The following CAMK4 variants were observed in gnomAD, a reference collection of about 807,000 sequenced individuals.
CAMK4 encodes the protein calcium/calmodulin dependent protein kinase IV, also known as calcium/calmodulin-dependent protein kinase type IV.
CAMK4 carries 22 observed loss-of-function variants against 44.9 expected under a neutral mutation model. The ratio of observed to expected loss-of-function variants is 0.49; its 90% CI spans 0.35 to 0.70. CAMK4 has a LOEUF of 0.70. Ranked by LOEUF, CAMK4 falls within the 30% of genes least tolerant of loss-of-function variation. CAMK4 has a pLI of 0.01. For synonymous variants in CAMK4, 218 were observed against 215.4 expected (o/e 1.01, Z -0.11); for missense variants, 498 against 586.8 (o/e 0.85, Z 1.56).
chr5:111,312,378 T>C lies in CAMK4; in HGVS notation c.162-31646T>C, dbSNP rs1263382633. The stretch of plus-strand genomic sequence containing the variant: ...GCAAGTGCTTCACTCTTTTCATCTG[T>C]AAAATAGACATTAAAATAGCTAGCT... On this transcript the variant is annotated intron_variant, in intron 1 of 10. Coordinates refer to ENST00000282356, the MANE Select transcript of CAMK4 (RefSeq NM_001744.6). 4.6e-5 allele frequency among the ~76,000 whole-genome samples: 7 copies of C among 152,178 alleles called. 1 individual carries two copies. Among genetic ancestry groups the C allele is most frequent in the African/African-American group, 7.2e-5 (3 of 41,466 alleles).
At chr5:111,418,481 G>T (rs1403006171) in intron 5 of CAMK4, among the ~76,000 whole-genome samples, 2 of 151,646 alleles carry the variant, frequency 1.3e-5, no homozygotes, top group African/African-American at 4.9e-5. Flanking sequence ...TAGGGTACAT[G>T]TGCACAATGT....
In CAMK4 at chr5:111,486,321, C is replaced by T. The variant is rs1755616625; in HGVS notation, c.*1855C>T. On this transcript the variant is annotated 3_prime_UTR_variant, in exon 11 of 11. Coordinates refer to ENST00000282356, the MANE Select transcript of CAMK4 (RefSeq NM_001744.6). ...TTTATTTGTACTATCTAGTAGAGAG[C>T]ACTTTTCTTATTCCCTCTTTCCTTC... 6.6e-6 allele frequency: 1 copy of T among 151,988 alleles called. No homozygotes were observed. Among genetic ancestry groups the T allele is most frequent in the African/African-American group, 2.4e-5 (1 of 41,374 alleles). 9.4% of individuals were successfully genotyped at this position (151,988 alleles called of 1,614,324 possible).
intron 1 of CAMK4, among the ~76,000 whole-genome samples, chr5:111,300,870 CA>C (rs1747690197): frequency 6.6e-6 from 1 of 152,124 alleles, no homozygotes; most frequent in South Asian, 2.1e-4. Flanking sequence ...AATGGATATG[CA>C]GAAAAATTAA....
chr5:111,348,335 A>C (rs1749951313), intron 2 of CAMK4, among the ~76,000 whole-genome samples: 1 of 152,046 alleles, frequency 6.6e-6, no homozygotes, highest in African/African-American at 2.4e-5. Context: ...AGGTTAAAGC[A>C]CCAGCTCTTG....
At chr5:111,463,945 T>C (rs1483997710) in intron 7 of CAMK4, among the ~76,000 whole-genome samples, 1 of 151,590 alleles carries the variant, frequency 6.6e-6, no homozygotes, top group Non-Finnish European at 1.5e-5. Context: ...TCTTTCACAC[T>C]CTCAAAAGAT....
intron 1 of CAMK4, among the ~76,000 whole-genome samples, chr5:111,259,660 T>C (rs927435470): frequency 2.0e-5 from 3 of 152,142 alleles, no homozygotes; most frequent in Non-Finnish European, 1.5e-5. Context: ...GCCAAACTTA[T>C]ATGTGGTATC....
At chr5:111,357,195 G>C (rs1466352937) in intron 2 of CAMK4, among the ~76,000 whole-genome samples, 2 of 152,130 alleles carry the variant, frequency 1.3e-5, no homozygotes, top group African/African-American at 4.8e-5. Context: ...CAGAAGGAGA[G>C]CTTATGTTAC....
chr5:111,356,176 C>A (rs1173641487), intron 2 of CAMK4, among the ~76,000 whole-genome samples: 3 of 146,800 alleles, frequency 2.0e-5, no homozygotes, highest in East Asian at 2.0e-4. Context: ...TGTTTCCTGA[C>A]TTTTTAATGA....
chr5:111,318,418 T>A (rs1748524400), intron 1 of CAMK4, among the ~76,000 whole-genome samples: 1 of 152,178 alleles, frequency 6.6e-6, no homozygotes, highest in Non-Finnish European at 1.5e-5. Context: ...AGTATAAGAC[T>A]CTCTTAAGAC....
intron 7 of CAMK4, among the ~76,000 whole-genome samples, chr5:111,467,159 C>A (rs2112476720): frequency 6.6e-6 from 1 of 152,096 alleles, no homozygotes; most frequent in East Asian, 1.9e-4. Context: ...ACTGGATCCT[C>A]ATCCCTCACC....
intron 1 of CAMK4, among the ~76,000 whole-genome samples, chr5:111,257,594 C>T (rs928845340): frequency 6.6e-6 from 1 of 152,142 alleles, no homozygotes; most frequent in Non-Finnish European, 1.5e-5. Context: ...GTGGCAATTC[C>T]TCAAAGACCT....
At chr5:111,411,109 T>C (rs1834930) in intron 5 of CAMK4, among the ~76,000 whole-genome samples, 7,674 of 152,140 alleles carry the variant, frequency 0.05, 206 homozygotes, top group African/African-American at 0.071. Context: ...GGAATCAGCA[T>C]TGGAAAAGGT....
intron 1 of CAMK4, among the ~76,000 whole-genome samples, chr5:111,259,789 A>C (rs1382724822): frequency 6.6e-6 from 1 of 152,186 alleles, no homozygotes; most frequent in Non-Finnish European, 1.5e-5. Flanking sequence ...CCTGTGACTC[A>C]TTTAAGAGTG....
intron 1 of CAMK4, among the ~76,000 whole-genome samples, chr5:111,241,762 T>C (rs1749002995): frequency 2.6e-5 from 4 of 152,224 alleles, no homozygotes; most frequent in Admixed American, 2.6e-4. Flanking sequence ...AATATACTAC[T>C]GCCAGTAAAT....
At chr5:111,356,579 A>G (rs1293712529) in intron 2 of CAMK4, among the ~76,000 whole-genome samples, 1 of 152,222 alleles carries the variant, frequency 6.6e-6, no homozygotes, top group East Asian at 1.9e-4. Flanking sequence ...GTCCTTGCCC[A>G]TGCCTGTGTC....
chr5:111,404,667 C>A (rs775778323), intron 5 of CAMK4, among the ~76,000 whole-genome samples: 1 of 152,042 alleles, frequency 6.6e-6, no homozygotes, highest in Non-Finnish European at 1.5e-5. Context: ...TATTTTAACA[C>A]GAATGCTGGT....
At chr5:111,443,437 C>CT (rs1286353797) in intron 5 of CAMK4, among the ~76,000 whole-genome samples, 1 of 149,578 alleles carries the variant, frequency 6.7e-6, no homozygotes, top group Non-Finnish European at 1.5e-5. Flanking sequence ...CTCTGCATGT[C>CT]TTTTTAAAAG....
intron 3 of CAMK4, among the ~76,000 whole-genome samples, chr5:111,376,641 C>T (rs1442465615): frequency 6.6e-6 from 1 of 151,842 alleles, no homozygotes; most frequent in Non-Finnish European, 1.5e-5. Flanking sequence ...AAAATGTAAA[C>T]ATTTTATAGG....
At chr5:111,411,432 A>C (rs1265507905) in intron 5 of CAMK4, among the ~76,000 whole-genome samples, 1 of 152,218 alleles carries the variant, frequency 6.6e-6, no homozygotes, top group East Asian at 1.9e-4. Flanking sequence ...AAGAGTTGTC[A>C]ATTCTTATGT....
Sources: allele counts gnomAD v4.1 joint callset (sites outside exome capture counted in the v4.1 genomes callset), GRCh38; gene constraint gnomAD v4.1.1; transcripts MANE v1.5; gene names NCBI Gene and HGNC (gene_info 2026-07-23, HGNC 2026-07-21).